Variants in ZBTB7C observed in about 807,000 individuals in gnomAD.
The protein encoded by ZBTB7C is zinc finger and BTB domain-containing protein 7C.
A neutral mutation model predicts 25.7 loss-of-function variants in ZBTB7C; 8 were observed. The ratio of observed to expected loss-of-function variants is 0.31; its 90% confidence interval spans 0.18 to 0.56. The LOEUF is 0.56. Ranked by LOEUF, ZBTB7C falls within the 20% of genes least tolerant of loss-of-function variation. ZBTB7C has a pLI of 0.91. For synonymous variants in ZBTB7C, 394 were observed against 369.0 expected, an observed-to-expected ratio of 1.07 and a Z score of -0.78; for missense variants, 824 against 855.2, an observed-to-expected ratio of 0.96 and a Z score of 0.46.
intron 2 of ZBTB7C, among the ~76,000 whole-genome samples, chr18:48,303,658 G>A (rs1389071000): frequency 6.6e-6 from 1 of 152,186 alleles, no homozygotes; most frequent in Non-Finnish European, 1.5e-5. Flanking sequence ...GGAGCAATAG[G>A]CTGGGCAGAG....
At chr18:48,390,146 T>C (rs1219161169) in intron 1 of ZBTB7C, among the ~76,000 whole-genome samples, 7 of 152,214 alleles carry the variant, frequency 4.6e-5, no homozygotes, top group Non-Finnish European at 5.9e-5. Flanking sequence ...TATTTTTATC[T>C]AACCACAATA....
At chr18:48,247,849 C>A (rs1256519364) in intron 2 of ZBTB7C, among the ~76,000 whole-genome samples, 1 of 152,144 alleles carries the variant, frequency 6.6e-6, no homozygotes, top group Non-Finnish European at 1.5e-5. Flanking sequence ...CTCTCACCTG[C>A]CACCCCCCTG....
intron 2 of ZBTB7C, among the ~76,000 whole-genome samples, chr18:48,208,851 A>G (rs1488901511): frequency 6.6e-6 from 1 of 152,120 alleles, no homozygotes; most frequent in Non-Finnish European, 1.5e-5. Context: ...CAATCCAGCA[A>G]TCTGGTTTTA....
intron 3 of ZBTB7C, among the ~76,000 whole-genome samples, chr18:48,167,231 A>G (rs2041280271): frequency 6.6e-6 from 1 of 151,808 alleles, no homozygotes; most frequent in South Asian, 2.1e-4. Flanking sequence ...AACCGCCTTC[A>G]CTTCCCCTCC....
intron 3 of ZBTB7C, among the ~76,000 whole-genome samples, chr18:48,176,193 A>G (rs79555344): frequency 2.7e-3 from 406 of 152,344 alleles, no homozygotes; most frequent in African/African-American, 9.5e-3. Flanking sequence ...GGGCTTATGC[A>G]GGGTTCTGTC....
At chr18:48,195,529 G>A (rs2042299200) in intron 2 of ZBTB7C, among the ~76,000 whole-genome samples, 1 of 152,180 alleles carries the variant, frequency 6.6e-6, no homozygotes, top group African/African-American at 2.4e-5. Context: ...CCAGCCATGT[G>A]GAACTGTGAA....
intron 2 of ZBTB7C, among the ~76,000 whole-genome samples, chr18:48,270,500 C>A (rs1158059623): frequency 1.3e-5 from 2 of 150,292 alleles, no homozygotes; most frequent in Non-Finnish European, 3.0e-5. Flanking sequence ...TCGAGACCAT[C>A]CTGGCTAACA....
chr18:48,255,428 C>A (rs940924794), intron 2 of ZBTB7C, among the ~76,000 whole-genome samples: 1 of 152,178 alleles, frequency 6.6e-6, no homozygotes, highest in African/African-American at 2.4e-5. Flanking sequence ...TTGGACTGAG[C>A]TCCTGCAGTA....
intron 3 of ZBTB7C, among the ~76,000 whole-genome samples, chr18:48,081,862 ATT>A (rs2037999332): frequency 6.6e-6 from 1 of 152,080 alleles, no homozygotes. Context: ...GATTTTGAAG[ATT>A]TAGTACCAAA....
intron 3 of ZBTB7C, among the ~76,000 whole-genome samples, chr18:48,073,414 G>A (rs1202807981): frequency 1.3e-5 from 2 of 152,156 alleles, no homozygotes; most frequent in Admixed American, 1.3e-4. Flanking sequence ...CACCCTGGCG[G>A]GGAGGGCGGG....
At chr18:48,371,207 C>T (rs1196366024) in intron 1 of ZBTB7C, among the ~76,000 whole-genome samples, 1 of 152,180 alleles carries the variant, frequency 6.6e-6, no homozygotes. Context: ...CCAGGAACAA[C>T]TGACAAGCTC....
rs1187125753 is a variant in ZBTB7C, at chr18:48,029,374, C to T, written c.1746G>A (p.Val582=). Residue 582 remains valine (V), a synonymous_variant, in exon 5 of 5, where the codon GTG becomes GTA. Coordinates refer to ENST00000590800, the MANE Select transcript of ZBTB7C (RefSeq NM_001318841.2). ...GLLAFALAEN[V]AAARPYFPLP... ...GCGGGAAGTAGGGCCGCGCCGCCGC[C>T]ACGTTCTCGGCCAGCGCGAAGGCCA... 5 of 1,554,064 alleles carry T rather than the reference C, an allele frequency of 3.2e-6. No homozygotes were observed. The highest frequency in any genetic ancestry group is 4.3e-6 in the Non-Finnish European group (5 of 1,153,984).
chr18:48,206,857 G>A (rs1405911125), intron 2 of ZBTB7C, among the ~76,000 whole-genome samples: 2 of 152,056 alleles, frequency 1.3e-5, no homozygotes, highest in Admixed American at 6.6e-5. Context: ...GGAAAAGATT[G>A]ATAAATGGAA....
Position 48,029,060 on chromosome 18 carries a change from A to T in ZBTB7C, c.*200T>A. The T allele has an allele frequency of 2.7e-6, 2 of 743,232 alleles. No individual in the cohort carries two copies. The highest frequency in any genetic ancestry group is 4.0e-6 in the Non-Finnish European group (2 of 499,864). 46.0% of individuals were successfully genotyped at this position (743,232 alleles called of 1,614,324 possible). The stretch of plus-strand genomic sequence containing the variant: ...CCCGGGCTCCTGGCCTTTTGGGAAA[A>T]GATGCCCGTCTCAGACCAGCAAAAG... On this transcript the variant is annotated 3_prime_UTR_variant, in exon 5 of 5. Transcript: ENST00000590800.
At chr18:48,127,153 C>T (rs1479494615) in intron 3 of ZBTB7C, among the ~76,000 whole-genome samples, 1 of 152,146 alleles carries the variant, frequency 6.6e-6, no homozygotes. Context: ...GAAACTGTAG[C>T]ACAGAGAGGT....
chr18:48,342,975 G>A (rs1414729359), intron 1 of ZBTB7C, among the ~76,000 whole-genome samples: 2 of 152,044 alleles, frequency 1.3e-5, no homozygotes, highest in African/African-American at 4.8e-5. Context: ...TTAGTGACCC[G>A]ACAGTACCTG....
chr18:48,208,234 T>C (rs1382583887), intron 2 of ZBTB7C, among the ~76,000 whole-genome samples: 1 of 151,990 alleles, frequency 6.6e-6, no homozygotes, highest in East Asian at 1.9e-4. Context: ...AAAGGAATCT[T>C]TACCAGCACC....
intron 2 of ZBTB7C, among the ~76,000 whole-genome samples, chr18:48,336,173 C>T (rs544161441): frequency 1.6e-4 from 25 of 152,298 alleles, no homozygotes; most frequent in Non-Finnish European, 1.6e-4. Flanking sequence ...TCACCATTTC[C>T]GAGTGGTAGG....
intron 2 of ZBTB7C, among the ~76,000 whole-genome samples, chr18:48,321,626 C>T (rs765188111): frequency 2.0e-5 from 3 of 152,146 alleles, no homozygotes; most frequent in African/African-American, 7.2e-5. Context: ...ACTTGGAATG[C>T]ATTTTTATTA....
Sources: allele counts gnomAD v4.1 joint callset (sites outside exome capture counted in the v4.1 genomes callset), GRCh38; gene constraint gnomAD v4.1.1; transcripts MANE v1.5; gene names NCBI Gene and HGNC (gene_info 2026-07-23, HGNC 2026-07-21).